RPS26: variants seen among roughly 807,000 people sequenced by gnomAD.
RPS26 encodes ribosomal protein S26, also known as small ribosomal subunit protein eS26.
Under a neutral mutation model 14.7 loss-of-function variants are expected in RPS26, and 1 was observed. The ratio of observed to expected loss-of-function variants is 0.07; its 90% confidence interval spans 0.02 to 0.32. RPS26 has a LOEUF of 0.32. Ranked by LOEUF, RPS26 falls within the 10% of genes least tolerant of loss-of-function variation. RPS26 has a pLI of 1.00. For synonymous variants in RPS26, 59 were observed against 53.1 expected (o/e 1.11, Z -0.48); for missense variants, 63 against 157.7 (o/e 0.40, Z 3.22).
At position 56,043,416 on chromosome 12, in the gene RPS26, A is replaced by G. The variant is rs1565845805; in HGVS notation, c.235A>G (p.Ile79Val). The change falls in exon 3 of 4, where the codon ATT becomes GTT. Residue 79 changes from isoleucine (I) to valine (V), a missense_variant. Ile to Val is a conservative substitution (Grantham distance 29). Transcript: ENST00000646449. ...VKLHYCVSCA[I>V]HSKVVRNRSR... ...GCTACATTACTGTGTGAGTTGTGCA[A>G]TTCACAGCAAAGTAGTCAGGAATCG... 1.2e-6 allele frequency: 2 copies of G among 1,612,420 alleles called. No individual in the cohort carries two copies. Among genetic ancestry groups the G allele is most frequent in the Non-Finnish European group, 1.7e-6 (2 of 1,179,496 alleles).
rs1895889965 is a variant in RPS26 at position 56,042,039 on chromosome 12, G to T, written c.-128G>T. The T allele has an allele frequency of 3.3e-6, 3 of 920,272 alleles. No individual in the cohort carries two copies. Among genetic ancestry groups the T allele is most frequent in the Non-Finnish European group, 5.4e-6 (3 of 557,500 alleles). 57.0% of individuals were successfully genotyped at this position (920,272 alleles called of 1,614,324 possible). On this transcript the variant is annotated 5_prime_UTR_variant, in exon 1 of 4. Coordinates refer to ENST00000646449, the MANE Select transcript of RPS26 (RefSeq NM_001029.5). ...AAATGCTGAATGTAAAGGAATATTT[G>T]AGTAAAGTGAGTTGCCGTTCTTGAA...
At position 56,042,502 on chromosome 12, in the gene RPS26, C is replaced by A. The variant is rs773982358; in HGVS notation, c.81C>A (p.Ala27=). The A allele has an allele frequency of 1.2e-6, 2 of 1,602,296 alleles. No individual in the cohort carries two copies. Among genetic ancestry groups the A allele is most frequent in the African/African-American group, 1.3e-5 (1 of 74,766 alleles). The change falls in exon 2 of 4, where the codon GCC becomes GCA. Residue 27 remains alanine, a synonymous_variant. Coordinates refer to ENST00000646449, the MANE Select transcript of RPS26 (RefSeq NM_001029.5). ...AGCCTATTCGCTGCACTAACTGTGC[C>A]CGATGCGTGCCCAAGGACAAGGCCA... ...HVQPIRCTNC[A]RCVPKDKAIK... is the part of the protein sequence containing the mutation.
chr12:56,043,715 G>A (rs764494219), intron 3 of RPS26, among the ~76,000 whole-genome samples: 10 of 152,074 alleles, frequency 6.6e-5, no homozygotes, highest in Non-Finnish European at 1.3e-4. Flanking sequence ...AGAGGCTGAG[G>A]CAGGAGGATC....
rs768739636 is a variant in RPS26 at position 56,043,342 on chromosome 12, ACT to A, written c.182-18_182-17del. The A allele has an allele frequency of 8.7e-6, 14 of 1,608,818 alleles. No homozygotes were observed. The African/African-American group carries it at 1.1e-4, about 12-fold the overall frequency. On this transcript the variant is annotated intron_variant, in intron 2 of 3. Coordinates refer to ENST00000646449, the MANE Select transcript of RPS26 (RefSeq NM_001029.5). ...AAGGTAGGTATATAATACCAGTATA[ACT>A]CTATTTTCTATTCCTTAGCCTATGT...
chr12:56,043,561 G>A (rs765528754), intron 3 of RPS26, 68 bp downstream of exon 3: 37 of 1,543,848 alleles, frequency 2.4e-5, no homozygotes, highest in Admixed American at 1.7e-5. Context: ...GGAGGGTCAG[G>A]GTGTCCTATA....
chr12:56,042,018 G>T lies in RPS26; in HGVS notation c.-149G>T, dbSNP rs886049686. 7 of 817,792 alleles carry T rather than the reference G, an allele frequency of 8.6e-6. No individual in the cohort carries two copies. The highest frequency in any genetic ancestry group is 1.5e-5 in the Non-Finnish European group (7 of 475,080). 50.7% of individuals were successfully genotyped at this position (817,792 alleles called of 1,614,324 possible). A position where few individuals can be genotyped will look rare whatever the true frequency, so the allele number is the denominator to read the frequency against. ...TTCCACCCTAGATTTCAGCAGAAAT[G>T]CTGAATGTAAAGGAATATTTGAGTA... On this transcript the variant is annotated 5_prime_UTR_variant, in exon 1 of 4. The change abolishes an upstream ATG in the 5' untranslated region. Coordinates refer to ENST00000646449, the MANE Select transcript of RPS26 (RefSeq NM_001029.5).
rs1895890212 is a variant in RPS26, at chr12:56,042,056, G to C, written c.-111G>C. 8.7e-7 allele frequency: 1 copy of C among 1,146,876 alleles called. No homozygotes were observed. Among genetic ancestry groups the C allele is most frequent in the African/African-American group, 1.5e-5 (1 of 67,294 alleles). The allele number at this position is 1,146,876 out of a possible 1,614,324, so 71.0% of individuals were successfully genotyped here. A position where few individuals can be genotyped will look rare whatever the true frequency, so the allele number is the denominator to read the frequency against. ...GAATATTTGAGTAAAGTGAGTTGCC[G>C]TTCTTGAAGCCCGTCTCCTAAGGAT... On this transcript the variant is annotated 5_prime_UTR_variant, in exon 1 of 4. Coordinates refer to ENST00000646449, the MANE Select transcript of RPS26 (RefSeq NM_001029.5).
intron 2 of RPS26, chr12:56,043,131 G>A (rs1380042663): frequency 6.1e-5 from 31 of 509,670 alleles, no homozygotes; most frequent in Non-Finnish European, 1.1e-4. Flanking sequence ...GGTCCTTGCG[G>A]TGTCAAGATG....
Position 56,044,388 on chromosome 12 carries a change from A to C in RPS26, c.*234A>C. 2.1e-6 allele frequency: 1 copy of C among 474,818 alleles called. No homozygotes were observed. The highest frequency in any genetic ancestry group is 3.6e-6 in the Non-Finnish European group (1 of 274,822). 29.4% of individuals were successfully genotyped at this position (474,818 alleles called of 1,614,324 possible). On this transcript the variant is annotated 3_prime_UTR_variant, in exon 4 of 4. Coordinates refer to ENST00000646449, the MANE Select transcript of RPS26 (RefSeq NM_001029.5). ...TTTGAGACGGAGTCTTTGTCGCCCA[A>C]GCTGAATTGCAGTGGCGTGATCTCA...
Position 56,044,106 on chromosome 12 carries a change from C to T in RPS26, c.313-13C>T, listed in dbSNP as rs1012621496. On this transcript the variant is annotated splice_polypyrimidine_tract_variant and intron_variant, in intron 3 of 3. Transcript: ENST00000646449. ...TGGGTTTTAATTTACTCTTTTGTTT[C>T]TTTGTCTTTCAGGGTGCTGCCCCAC... 2 of 1,612,892 alleles carry T rather than the reference C, an allele frequency of 1.2e-6. No homozygotes were observed. Among genetic ancestry groups the T allele is most frequent in the Non-Finnish European group, 1.7e-6 (2 of 1,178,968 alleles).
Position 56,044,405 on chromosome 12 carries a change from G to A in RPS26, c.*251G>A, listed in dbSNP as rs967805724. 2.2e-5 allele frequency: 10 copies of A among 453,746 alleles called. No individual in the cohort carries two copies. Among genetic ancestry groups the A allele is most frequent in the Non-Finnish European group, 3.5e-5 (9 of 259,172 alleles). The allele number at this position is 453,746 out of a possible 1,614,324, so 28.1% of individuals were successfully genotyped here. On this transcript the variant is annotated 3_prime_UTR_variant, in exon 4 of 4. Coordinates refer to ENST00000646449, the MANE Select transcript of RPS26 (RefSeq NM_001029.5). ...GTCGCCCAAGCTGAATTGCAGTGGC[G>A]TGATCTCAGCTCACTGCAACCTCCG... is the stretch of plus-strand genomic sequence containing the variant.
At chr12:56,042,318 T>A (rs2136753645) in intron 1 of RPS26, 107 bp from the exon 2 acceptor site, 1 of 1,517,390 alleles carries the variant, frequency 6.6e-7, no homozygotes, top group East Asian at 2.3e-5. Flanking sequence ...AAACAGGAGA[T>A]CCGAGCGGCG....
Position 56,042,174 on chromosome 12 carries a change from G to A in RPS26, c.3+5G>A. 3 of 1,614,128 alleles carry A rather than the reference G, an allele frequency of 1.9e-6. No individual in the cohort carries two copies. The highest frequency in any genetic ancestry group is 2.5e-6 in the Non-Finnish European group (3 of 1,180,032). On this transcript the variant is annotated splice_donor_5th_base_variant and intron_variant, in intron 1 of 3. Coordinates refer to ENST00000646449, the MANE Select transcript of RPS26 (RefSeq NM_001029.5). ...CCGGTCCGTGCCTCCAAGATGGTGA[G>A]TCTTCTTGCGTGGTGAGGGTGGGGG...
At chr12:56,042,650 A>G in intron 2 of RPS26, 48 bp downstream of exon 2, 1 of 1,531,318 alleles carries the variant, frequency 6.5e-7, no homozygotes, top group Non-Finnish European at 8.9e-7. Flanking sequence ...AGTATCTTAA[A>G]GCCTTCGCCC....
chr12:56,043,384 A>G lies in RPS26; in HGVS notation c.203A>G (p.Tyr68Cys). Reference protein sequence around the residue: ...VFDAYVLPKLYVKLHYCVSCA... With the variant: ...VFDAYVLPKLCVKLHYCVSCA... Reference sequence around the variant, plus strand: ...TTAGCCTATGTGCTTCCCAAGCTGTATGTGAAGCTACATTACTGTGTGAGT... The same window carrying G: ...TTAGCCTATGTGCTTCCCAAGCTGTGTGTGAAGCTACATTACTGTGTGAGT... The change falls in exon 3 of 4, where the codon TAT becomes TGT. Residue 68 changes from tyrosine (Y) to cysteine (C), a missense_variant. Physicochemically the swap from Tyr to Cys is radical, Grantham distance 194 (BLOSUM62 -2). Transcript: ENST00000646449. 1 of 1,611,388 alleles carries G rather than the reference A, an allele frequency of 6.2e-7. No homozygotes were observed. The highest frequency in any genetic ancestry group is 8.5e-7 in the Non-Finnish European group (1 of 1,178,998).
Position 56,043,509 on chromosome 12 carries a change from G to A in RPS26, c.312+16G>A, listed in dbSNP as rs777556972. On this transcript the variant is annotated intron_variant, in intron 3 of 3. Coordinates refer to ENST00000646449, the MANE Select transcript of RPS26 (RefSeq NM_001029.5). ...TAGACCTGCGGTGAGTATTTTAAAA[G>A]GAGAATGGAAGCCAGGGGAGTGATG... is the stretch of plus-strand genomic sequence containing the variant. 10 of 1,613,742 alleles carry A rather than the reference G, an allele frequency of 6.2e-6. No individual in the cohort carries two copies. Among genetic ancestry groups the A allele is most frequent in the Admixed American group, 5.0e-5 (3 of 59,986 alleles).
intron 1 of RPS26, 121 bp from the exon 2 acceptor site, chr12:56,042,304 G>A: frequency 6.7e-7 from 1 of 1,503,270 alleles, no homozygotes. Context: ...CGGGATTTGC[G>A]GAGAAACAGG....
chr12:56,044,635 C>A lies in RPS26; in HGVS notation c.*481C>A. On this transcript the variant is annotated 3_prime_UTR_variant, in exon 4 of 4. Transcript: ENST00000646449. Reference sequence around the variant, plus strand: ...CTGGGATTACAGGCTTGAGCCACCTCGCCTAGCTATTTATGTAAATTAAAC... The same window carrying A: ...CTGGGATTACAGGCTTGAGCCACCTAGCCTAGCTATTTATGTAAATTAAAC... 1 of 158,160 alleles carries A rather than the reference C, an allele frequency of 6.3e-6. No homozygotes were observed. Among genetic ancestry groups the A allele is most frequent in the Non-Finnish European group, 1.4e-5 (1 of 71,704 alleles). The allele number at this position is 158,160 out of a possible 1,614,324, so 9.8% of individuals were successfully genotyped here. A position where few individuals can be genotyped will look rare whatever the true frequency, so the allele number is the denominator to read the frequency against.
Position 56,042,105 on chromosome 12 carries a change from C to T in RPS26, c.-62C>T. 7 of 1,570,040 alleles carry T rather than the reference C, an allele frequency of 4.5e-6. No individual in the cohort carries two copies. The highest frequency in any genetic ancestry group is 1.1e-5 in the South Asian group (1 of 90,058). The stretch of plus-strand genomic sequence containing the variant: ...ATTCTCCCGGTGTCCGCGTAGGGAT[C>T]TCATGCTATATAGGAGGGCCCTGCC... On this transcript the variant is annotated 5_prime_UTR_variant, in exon 1 of 4. Coordinates refer to ENST00000646449, the MANE Select transcript of RPS26 (RefSeq NM_001029.5).
Sources: gnomAD v4.1 joint callset for allele counts (sites outside exome capture counted in the v4.1 genomes callset) on GRCh38, gnomAD v4.1.1 for gene constraint, MANE v1.5 for transcripts, NCBI Gene and HGNC (gene_info 2026-07-23, HGNC 2026-07-21) for gene names.